Variants in UBE2J1 observed in about 807,000 individuals in gnomAD.
UBE2J1 encodes ubiquitin-conjugating enzyme E2 J1.
Under a neutral mutation model 42.1 loss-of-function variants are expected in UBE2J1, and 17 were observed. The observed-to-expected ratio is 0.40, with a 90% CI of 0.28 to 0.61. The LOEUF (loss-of-function observed/expected upper bound fraction) is 0.61, where lower values mean the gene tolerates loss of function less well. Among genes scored for constraint, UBE2J1 ranks in the 20% least tolerant of loss-of-function variants. The pLI is 0.38. For missense variants in UBE2J1, 291 were observed against 389.4 expected (o/e 0.75, Z 2.13); for synonymous variants, 127 against 137.2 (o/e 0.93, Z 0.52).
At chr6:89,349,421 A>T (rs1215039353) in intron 1 of UBE2J1, among the ~76,000 whole-genome samples, 6 of 152,188 alleles carry the variant, frequency 3.9e-5, no homozygotes, top group East Asian at 1.9e-4. Context: ...ATCTGGTGAC[A>T]ACAGTGACTG....
Position 89,329,533 on chromosome 6 carries a change from T to A in UBE2J1, c.*146A>T. 2.4e-6 allele frequency: 2 copies of A among 830,980 alleles called. No individual in the cohort carries two copies. Among genetic ancestry groups the A allele is most frequent in the South Asian group, 3.5e-5 (2 of 57,844 alleles). The allele number at this position is 830,980 out of a possible 1,614,324, so 51.5% of individuals were successfully genotyped here. A position where few individuals can be genotyped will look rare whatever the true frequency, so the allele number is the denominator to read the frequency against. On this transcript the variant is annotated 3_prime_UTR_variant, in exon 8 of 8. Transcript: ENST00000435041. Reference sequence around the variant, plus strand: ...GCTAGACACAGTCTGAATGTCTAGATATATTTATACTAAACTTACAAGGAT... The same window carrying A: ...GCTAGACACAGTCTGAATGTCTAGAAATATTTATACTAAACTTACAAGGAT...
At chr6:89,343,971 T>C (rs892235842) in intron 1 of UBE2J1, among the ~76,000 whole-genome samples, 11 of 152,116 alleles carry the variant, frequency 7.2e-5, no homozygotes, top group Admixed American at 2.0e-4. Context: ...ATTAAATATA[T>C]AGTGAAGACA....
intron 3 of UBE2J1, among the ~76,000 whole-genome samples, chr6:89,340,070 A>T (rs1768214903): frequency 6.6e-6 from 1 of 152,040 alleles, no homozygotes; most frequent in Non-Finnish European, 1.5e-5. Context: ...GGCCAGGACG[A>T]AACCTAAGGA....
intron 3 of UBE2J1, among the ~76,000 whole-genome samples, chr6:89,339,810 A>C (rs1279236781): frequency 6.6e-6 from 1 of 151,202 alleles, no homozygotes; most frequent in African/African-American, 2.4e-5. Flanking sequence ...GGAGTTTGAG[A>C]CCAGCCTGGG....
intron 6 of UBE2J1, 80 bp from the exon 7 acceptor site, chr6:89,333,285 C>G (rs1368817064): frequency 6.8e-7 from 1 of 1,460,614 alleles, no homozygotes; most frequent in East Asian, 2.4e-5. Flanking sequence ...CTGCTAAATC[C>G]TCTCTGTTGG....
rs202016441 is a variant in UBE2J1, at chr6:89,329,869, C to T, written c.767G>A (p.Arg256Gln). 145 of 1,614,020 alleles carry T rather than the reference C, an allele frequency of 9.0e-5. No individual in the cohort carries two copies. In the Middle Eastern group the frequency reaches 1.2e-3, roughly 13 times the overall value. ...KNTSMSPRQR[R>Q]AQQQSQRRLS... ...CCTTCTCTGACTCTGCTGCTGGGCCCGGCGCTGTCGAGGGCTCATGGAGGT... is the reference window on the plus strand; with the variant it reads ...CCTTCTCTGACTCTGCTGCTGGGCCTGGCGCTGTCGAGGGCTCATGGAGGT... The change falls in exon 8 of 8, where the codon CGG becomes CAG. Residue 256 changes from arginine to glutamine, a missense_variant. By Grantham distance (43) the Arg-to-Gln change is conservative. Around this residue, in one of 2 missense-constraint regions of UBE2J1, gnomAD observed 176 missense variants for 196.3 expected, o/e 0.90. Transcript: ENST00000435041.
intron 7 of UBE2J1, among the ~76,000 whole-genome samples, chr6:89,331,201 T>G (rs917254726): frequency 2.6e-5 from 4 of 152,194 alleles, no homozygotes; most frequent in African/African-American, 9.7e-5. Context: ...ATAACCACCC[T>G]TAGCCAAACC....
rs1183350428 is a variant in UBE2J1, at chr6:89,329,487, C to G, written c.*192G>C. ...GAGACAAGGAACTTTGACTTCTAGT[C>G]CCTTTAAGCAGGACGTAACTGCTAG... On this transcript the variant is annotated 3_prime_UTR_variant, in exon 8 of 8. Transcript: ENST00000435041. The G allele has an allele frequency of 6.7e-6, 4 of 601,290 alleles. No individual in the cohort carries two copies. The highest frequency in any genetic ancestry group is 1.1e-5 in the Non-Finnish European group (4 of 353,866). The allele number at this position is 601,290 out of a possible 1,614,324, so 37.2% of individuals were successfully genotyped here. A position where few individuals can be genotyped will look rare whatever the true frequency, so the allele number is the denominator to read the frequency against.
At chr6:89,342,743 T>C (rs1193839819) in intron 2 of UBE2J1, among the ~76,000 whole-genome samples, 3 of 152,176 alleles carry the variant, frequency 2.0e-5, no homozygotes, top group Non-Finnish European at 1.5e-5. Context: ...CAGGTTTAAA[T>C]TGGAAATTAA....
rs73506051 is a variant in UBE2J1, at chr6:89,349,917, A to G, written c.31+2622T>C. Among the ~76,000 whole-genome samples, 867 of 152,294 alleles carry G rather than the reference A, an allele frequency of 5.7e-3. 9 individuals carry two copies. Among genetic ancestry groups the G allele is most frequent in the African/African-American group, 0.02 (812 of 41,564 alleles). ...TATACACATTTCTTCACTTTGTACT[A>G]TAAGACCCTACTTCCTTGGCCAGAG... On this transcript the variant is annotated intron_variant, in intron 1 of 7. Coordinates refer to ENST00000435041, the MANE Select transcript of UBE2J1 (RefSeq NM_016021.3).
chr6:89,351,020 C>T (rs79504353), intron 1 of UBE2J1, among the ~76,000 whole-genome samples: 4,112 of 150,884 alleles, frequency 0.027, 205 homozygotes, highest in East Asian at 0.22. Context: ...GCTTTTCTTT[C>T]CCTCTTTCTC....
chr6:89,329,796 G>A lies in UBE2J1; in HGVS notation c.840C>T (p.Asn280=), dbSNP rs35401752. The change falls in exon 8 of 8, where the codon AAC becomes AAT. Residue 280 remains asparagine (N), a synonymous_variant. Coordinates refer to ENST00000435041, the MANE Select transcript of UBE2J1 (RefSeq NM_016021.3). The part of the protein sequence containing the change: ...DVIQGHQPRD[N]HTDHGGSAVL... ...CAGCTGACCCACCATGATCAGTGTGGTTGTCTCTTGGCTGGTGGCCCTGGA... is the reference window on the plus strand; with the variant it reads ...CAGCTGACCCACCATGATCAGTGTGATTGTCTCTTGGCTGGTGGCCCTGGA... The A allele has an allele frequency of 3.2e-4, 520 of 1,614,126 alleles. 2 individuals carry two copies. In the African/African-American group the frequency reaches 5.7e-3, roughly 18 times the overall value.
At chr6:89,335,685 A>G (rs960869837) in intron 5 of UBE2J1, among the ~76,000 whole-genome samples, 2 of 152,226 alleles carry the variant, frequency 1.3e-5, no homozygotes, top group Non-Finnish European at 2.9e-5. Context: ...CTAAAGAAAA[A>G]TAAGTTTTAC....
chr6:89,343,058 C>T (rs1246433001), intron 2 of UBE2J1, among the ~76,000 whole-genome samples: 1 of 152,108 alleles, frequency 6.6e-6, no homozygotes, highest in Non-Finnish European at 1.5e-5. Flanking sequence ...ATACAAAAAG[C>T]CTTGAGTAGC....
At chr6:89,348,254 GTTC>G (rs1306012863) in intron 1 of UBE2J1, among the ~76,000 whole-genome samples, 4 of 152,176 alleles carry the variant, frequency 2.6e-5, no homozygotes, top group Non-Finnish European at 5.9e-5. Flanking sequence ...GCCTGCTCTT[GTTC>G]TTCTTTCTTA....
chr6:89,342,335 T>C lies in UBE2J1; in HGVS notation c.226A>G (p.Ile76Val). 1 of 1,614,036 alleles carries C rather than the reference T, an allele frequency of 6.2e-7. No individual in the cohort carries two copies. The highest frequency in any genetic ancestry group is 8.5e-7 in the Non-Finnish European group (1 of 1,179,978). ...TCCAAAATTCTTACCGTTAGGAGAA[T>C]AATGCTTGGTGGTTTCATGGGATAC... ...PEYPMKPPSI[I>V]LLTANGRFEV... Residue 76 changes from isoleucine (I) to valine (V), a missense_variant, in exon 3 of 8, where the codon ATT becomes GTT. Transcript: ENST00000435041.
At chr6:89,331,607 C>A (rs567887109) in intron 7 of UBE2J1, among the ~76,000 whole-genome samples, 1 of 152,034 alleles carries the variant, frequency 6.6e-6, no homozygotes, top group Non-Finnish European at 1.5e-5. Context: ...GGAAAGAGAC[C>A]CCTGACCCTC....
chr6:89,332,784 G>C (rs1364400142), intron 7 of UBE2J1, among the ~76,000 whole-genome samples: 2 of 152,082 alleles, frequency 1.3e-5, no homozygotes, highest in African/African-American at 4.8e-5. Context: ...GCTAACATAT[G>C]GATATTTTGT....
chr6:89,342,703 G>C (rs948039195), intron 2 of UBE2J1, among the ~76,000 whole-genome samples: 2 of 152,038 alleles, frequency 1.3e-5, no homozygotes, highest in African/African-American at 4.8e-5. Context: ...AAAAATTTCT[G>C]AGTGTTGTTA....
Sources: allele counts gnomAD v4.1 joint callset (sites outside exome capture counted in the v4.1 genomes callset), GRCh38; gene constraint gnomAD v4.1.1; regional missense constraint gnomAD v4.1.1; transcripts MANE v1.5; gene names NCBI Gene and HGNC (gene_info 2026-07-23, HGNC 2026-07-21).